Variants in MAF observed in about 807,000 individuals in gnomAD.
MAF encodes MAF bZIP transcription factor.
A neutral mutation model predicts 22.0 loss-of-function variants in MAF; 10 were observed. The observed-to-expected ratio is 0.45, with a 90% CI of 0.28 to 0.77. The LOEUF (loss-of-function observed/expected upper bound fraction) is 0.77, where lower values mean the gene tolerates loss of function less well. Among genes scored for constraint, MAF ranks in the 30% least tolerant of loss-of-function variants. The pLI is 0.12. For missense variants in MAF, 544 were observed against 548.4 expected, an observed-to-expected ratio of 0.99 and a Z score of 0.08; for synonymous variants, 337 against 255.8, an observed-to-expected ratio of 1.32 and a Z score of -3.03.
chr16:79,317,270 C>G, the MAF span, among the ~76,000 whole-genome samples: 1 of 126,054 alleles, frequency 7.9e-6, no homozygotes, highest in Non-Finnish European at 1.6e-5. Context: ...CCTTCCTTCC[C>G]TCCCTCCTTC....
At chr16:79,463,770 A>G in the MAF span, among the ~76,000 whole-genome samples, 1 of 152,190 alleles carries the variant, frequency 6.6e-6, no homozygotes, top group Non-Finnish European at 1.5e-5. Context: ...AACATTTTAA[A>G]AAAACATGCA....
the MAF span, among the ~76,000 whole-genome samples, chr16:79,267,538 A>G: frequency 6.6e-6 from 1 of 152,204 alleles, no homozygotes; most frequent in African/African-American, 2.4e-5. Context: ...GTGAAGATAC[A>G]CAGAGGGATA....
the MAF span, among the ~76,000 whole-genome samples, chr16:79,293,311 G>A: frequency 6.6e-6 from 1 of 152,164 alleles, no homozygotes; most frequent in East Asian, 1.9e-4. Context: ...TACAGAGGAT[G>A]GATTAAGGGA....
downstream of MAF, among the ~76,000 whole-genome samples, chr16:79,582,083 T>C (rs1346951553): frequency 5.3e-5 from 8 of 152,156 alleles, no homozygotes; most frequent in African/African-American, 1.4e-4. Context: ...GAGTGCAAAA[T>C]AGAGACCGAA....
chr16:79,227,265 C>T, the MAF span, among the ~76,000 whole-genome samples: 2 of 152,106 alleles, frequency 1.3e-5, no homozygotes, highest in South Asian at 4.1e-4. Flanking sequence ...GTAGGGGGAT[C>T]GCCTGGGCCT....
chr16:79,563,134 C>A, the MAF span, among the ~76,000 whole-genome samples: 79 of 152,254 alleles, frequency 5.2e-4, 1 homozygote, highest in Middle Eastern at 0.01. Flanking sequence ...GGGCTGAAGG[C>A]TGTACCCATA....
At chr16:79,441,327 T>C in the MAF span, among the ~76,000 whole-genome samples, 2 of 152,228 alleles carry the variant, frequency 1.3e-5, no homozygotes, top group African/African-American at 4.8e-5. Flanking sequence ...GCTCCTCTCT[T>C]ACACACTTAA....
At chr16:79,478,321 T>G in the MAF span, among the ~76,000 whole-genome samples, 1 of 152,208 alleles carries the variant, frequency 6.6e-6, no homozygotes, top group Non-Finnish European at 1.5e-5. Flanking sequence ...TTTCTCATTT[T>G]ATAGATGTGG....
the MAF span, among the ~76,000 whole-genome samples, chr16:79,362,143 G>C: frequency 6.6e-6 from 1 of 152,164 alleles, no homozygotes; most frequent in Non-Finnish European, 1.5e-5. Flanking sequence ...TATTCACAGT[G>C]CTTACCTCAT....
At chr16:79,251,765 G>A in the MAF span, among the ~76,000 whole-genome samples, 7 of 152,206 alleles carry the variant, frequency 4.6e-5, no homozygotes, top group South Asian at 2.1e-4. Flanking sequence ...GGCCTGGGCT[G>A]GGTCTTCCCC....
At chr16:79,340,104 A>C in the MAF span, among the ~76,000 whole-genome samples, 5 of 152,122 alleles carry the variant, frequency 3.3e-5, no homozygotes. Flanking sequence ...GGGGAACTCT[A>C]GCCAAGTGCA....
At chr16:79,310,123 T>C in the MAF span, among the ~76,000 whole-genome samples, 1 of 152,160 alleles carries the variant, frequency 6.6e-6, no homozygotes, top group Non-Finnish European at 1.5e-5. Flanking sequence ...TTCCTTCCTT[T>C]AATGGAACTG....
downstream of MAF, among the ~76,000 whole-genome samples, chr16:79,581,974 TA>T (rs1256196218): frequency 4.6e-5 from 7 of 152,228 alleles, no homozygotes; most frequent in African/African-American, 1.4e-4. Context: ...TGTGAAATTT[TA>T]TAAGTGCTAA....
At chr16:79,548,293 T>C in the MAF span, among the ~76,000 whole-genome samples, 5 of 152,346 alleles carry the variant, frequency 3.3e-5, no homozygotes, top group Admixed American at 2.0e-4. Flanking sequence ...TTGATTGATG[T>C]CTGTTTTTTC....
the MAF span, among the ~76,000 whole-genome samples, chr16:79,342,541 C>A: frequency 6.6e-6 from 1 of 152,126 alleles, no homozygotes; most frequent in Non-Finnish European, 1.5e-5. Context: ...TCATCCCAAT[C>A]ATCACCGTCA....
the MAF span, among the ~76,000 whole-genome samples, chr16:79,294,724 G>T: frequency 6.6e-6 from 1 of 152,214 alleles, no homozygotes; most frequent in Non-Finnish European, 1.5e-5. Flanking sequence ...AGAAGGAGGA[G>T]TCAAATGCAG....
At chr16:79,515,163 T>C in the MAF span, among the ~76,000 whole-genome samples, 1 of 152,244 alleles carries the variant, frequency 6.6e-6, no homozygotes, top group Non-Finnish European at 1.5e-5. Flanking sequence ...CTGTGTTCAA[T>C]AAATGGCACC....
chr16:79,226,721 T>C, the MAF span, among the ~76,000 whole-genome samples: 1 of 152,100 alleles, frequency 6.6e-6, no homozygotes, highest in Non-Finnish European at 1.5e-5. Flanking sequence ...GATGACATTT[T>C]TTTCTTAGGC....
chr16:79,589,050 T>A (rs1913031950), downstream of MAF, among the ~76,000 whole-genome samples: 1 of 152,216 alleles, frequency 6.6e-6, no homozygotes, highest in Non-Finnish European at 1.5e-5. Context: ...TGTATCTATC[T>A]GTGCATGAAT....
Sources: allele counts gnomAD v4.1 joint callset (sites outside exome capture counted in the v4.1 genomes callset), GRCh38; gene constraint gnomAD v4.1.1; transcripts MANE v1.5; gene names NCBI Gene and HGNC (gene_info 2026-07-23, HGNC 2026-07-21).